GALNT17: variants seen among roughly 807,000 people sequenced by gnomAD.
GALNT17 encodes UDP-GalNAc:polypeptide N-acetylgalactosaminyltransferase-like 3.
Under a neutral mutation model 63.7 loss-of-function variants are expected in GALNT17, and 29 were observed. The observed-to-expected ratio is 0.46, with a 90% CI of 0.34 to 0.62. The LOEUF (loss-of-function observed/expected upper bound fraction) is 0.62, where lower values mean the gene tolerates loss of function less well. Ranked by LOEUF, GALNT17 falls within the 20% of genes least tolerant of loss-of-function variation. The probability of loss-of-function intolerance (pLI) is 0.01; values close to 1 mark genes in which losing one functional copy is unlikely to be tolerated. For synonymous variants in GALNT17, 305 were observed against 318.3 expected, an observed-to-expected ratio of 0.96 and a Z score of 0.45; for missense variants, 603 against 799.6, an observed-to-expected ratio of 0.75 and a Z score of 2.97.
chr7:71,703,340 C>T (rs991050379), intron 9 of GALNT17, among the ~76,000 whole-genome samples: 2 of 152,052 alleles, frequency 1.3e-5, no homozygotes, highest in African/African-American at 4.8e-5. Flanking sequence ...TTGCCCATGA[C>T]GGAAGGTGAA....
At chr7:71,519,334 A>G (rs1008810396) in intron 5 of GALNT17, among the ~76,000 whole-genome samples, 1 of 152,172 alleles carries the variant, frequency 6.6e-6, no homozygotes, top group Non-Finnish European at 1.5e-5. Flanking sequence ...ACTTATTTCT[A>G]TCTAACTGTA....
At chr7:71,534,386 T>G (rs1788769383) in intron 5 of GALNT17, among the ~76,000 whole-genome samples, 1 of 151,870 alleles carries the variant, frequency 6.6e-6, no homozygotes, top group South Asian at 2.1e-4. Flanking sequence ...GATCACGAGG[T>G]CAGGAGATCG....
At chr7:71,333,469 A>C (rs1049117489) in intron 1 of GALNT17, among the ~76,000 whole-genome samples, 2 of 152,154 alleles carry the variant, frequency 1.3e-5, no homozygotes, top group Non-Finnish European at 2.9e-5. Context: ...TTGGGGACGA[A>C]TGTTTCCATT....
At chr7:71,540,092 C>CATTTTTTTTTTT (rs1202520298) in intron 5 of GALNT17, among the ~76,000 whole-genome samples, 1 of 59,916 alleles carries the variant, frequency 1.7e-5, no homozygotes. Flanking sequence ...CTGTGCCTGG[C>CATTTTTTTTTTT]CTTTTTTTTT....
intron 6 of GALNT17, among the ~76,000 whole-genome samples, chr7:71,605,028 A>C (rs1790024495): frequency 6.6e-6 from 1 of 152,122 alleles, no homozygotes; most frequent in African/African-American, 2.4e-5. Flanking sequence ...GAATCACTGC[A>C]CCTGTTTTCC....
chr7:71,518,059 A>G (rs139392439), intron 5 of GALNT17, among the ~76,000 whole-genome samples: 3 of 152,296 alleles, frequency 2.0e-5, no homozygotes, highest in African/African-American at 7.2e-5. Flanking sequence ...GGGTGGCTGG[A>G]GCAAGTGAGA....
intron 6 of GALNT17, among the ~76,000 whole-genome samples, chr7:71,582,473 C>T (rs572125389): frequency 1.3e-5 from 2 of 151,098 alleles, no homozygotes; most frequent in East Asian, 2.0e-4. Flanking sequence ...CCCAGCTACT[C>T]GGGAGGCTGA....
intron 3 of GALNT17, among the ~76,000 whole-genome samples, chr7:71,410,125 G>T (rs1406407360): frequency 1.3e-5 from 2 of 152,186 alleles, no homozygotes; most frequent in African/African-American, 2.4e-5. Context: ...AGGGTCTATT[G>T]TCCTAGTCAT....
intron 1 of GALNT17, among the ~76,000 whole-genome samples, chr7:71,194,535 A>T (rs1368746346): frequency 6.6e-6 from 1 of 152,018 alleles, no homozygotes; most frequent in East Asian, 1.9e-4. Context: ...TTATATAGAG[A>T]TTCACCCATG....
chr7:71,571,117 C>T (rs1249841879), intron 5 of GALNT17, among the ~76,000 whole-genome samples, 168 bp from the exon 6 acceptor site: 1 of 124,138 alleles, frequency 8.1e-6, no homozygotes, highest in African/African-American at 4.0e-5. Flanking sequence ...GGCTGGAACC[C>T]AGTACATGCT....
At chr7:71,229,640 G>A (rs1457665116) in intron 1 of GALNT17, among the ~76,000 whole-genome samples, 1 of 152,188 alleles carries the variant, frequency 6.6e-6, no homozygotes, top group Non-Finnish European at 1.5e-5. Flanking sequence ...TCTCCAAACA[G>A]CCCCTGATGT....
chr7:71,326,123 G>T (rs1051153070), intron 1 of GALNT17, among the ~76,000 whole-genome samples: 5 of 150,942 alleles, frequency 3.3e-5, no homozygotes, highest in Admixed American at 3.3e-4. Context: ...TTGTGTTGCA[G>T]AAAAAAAAAT....
At chr7:71,179,288 C>T (rs1788694378) in intron 1 of GALNT17, among the ~76,000 whole-genome samples, 1 of 152,178 alleles carries the variant, frequency 6.6e-6, no homozygotes, top group South Asian at 2.1e-4. Flanking sequence ...ACCTGGTAGC[C>T]TCCTCCATGC....
intron 3 of GALNT17, among the ~76,000 whole-genome samples, chr7:71,408,204 C>A (rs1193773223): frequency 6.6e-6 from 1 of 152,074 alleles, no homozygotes; most frequent in African/African-American, 2.4e-5. Context: ...CCTGCATTTT[C>A]ATAAGGTCCC....
intron 5 of GALNT17, among the ~76,000 whole-genome samples, chr7:71,570,554 C>T (rs891325035): frequency 6.6e-6 from 1 of 152,160 alleles, no homozygotes; most frequent in Non-Finnish European, 1.5e-5. Context: ...CCCCCCATCC[C>T]ATCACTCAGC....
chr7:71,488,963 A>C (rs1291753950), intron 5 of GALNT17, among the ~76,000 whole-genome samples: 1 of 110,702 alleles, frequency 9.0e-6, no homozygotes, highest in Non-Finnish European at 1.7e-5. Context: ...GTAAGACCTT[A>C]GCTCACTGCA....
intron 1 of GALNT17, among the ~76,000 whole-genome samples, chr7:71,266,407 G>C (rs1391465242): frequency 6.6e-6 from 1 of 152,130 alleles, no homozygotes; most frequent in African/African-American, 2.4e-5. Flanking sequence ...TGAAAGCATA[G>C]CACTTCCCAC....
intron 2 of GALNT17, among the ~76,000 whole-genome samples, chr7:71,354,283 T>C (rs1190747755): frequency 6.6e-6 from 1 of 152,188 alleles, no homozygotes; most frequent in African/African-American, 2.4e-5. Context: ...GTGGAGATAG[T>C]GGGAACCCTT....
Position 71,660,805 on chromosome 7 carries a change from T to C in GALNT17, c.1081-4606T>C, listed in dbSNP as rs555550561. ...TTTCTTTCCATCTGCTATGTAGGCC[T>C]GGTTGCTTAACCACTGGCAGACTTC... On this transcript the variant is annotated intron_variant, in intron 6 of 10. Coordinates refer to ENST00000333538, the MANE Select transcript of GALNT17 (RefSeq NM_022479.3). Among the ~76,000 whole-genome samples, 64 of 152,348 alleles carry C rather than the reference T, an allele frequency of 4.2e-4. No individual in the cohort carries two copies. In the South Asian group the frequency reaches 8.5e-3, roughly 20 times the overall value.
Sources: allele counts gnomAD v4.1 joint callset (sites outside exome capture counted in the v4.1 genomes callset), GRCh38; gene constraint gnomAD v4.1.1; transcripts MANE v1.5; gene names NCBI Gene and HGNC (gene_info 2026-07-23, HGNC 2026-07-21).